Variants in SLC9A9 observed in about 807,000 individuals in gnomAD.
SLC9A9 encodes solute carrier family 9 member A9.
SLC9A9 carries 62 observed loss-of-function variants against 77.8 expected under a neutral mutation model. The ratio of observed to expected loss-of-function variants is 0.80; its 90% CI spans 0.65 to 0.98. SLC9A9 has a LOEUF of 0.98. Among genes scored for constraint, SLC9A9 ranks in the 50% least tolerant of loss-of-function variants. The pLI, the probability that SLC9A9 is intolerant of heterozygous loss-of-function variation, is 0.00. For missense variants in SLC9A9, 775 were observed against 774.9 expected (o/e 1.00, Z 0.00); for synonymous variants, 320 against 283.5 (o/e 1.13, Z -1.29).
intron 12 of SLC9A9, among the ~76,000 whole-genome samples, chr3:143,386,839 AATTT>A (rs2033438098): frequency 6.6e-6 from 1 of 151,942 alleles, no homozygotes; most frequent in African/African-American, 2.4e-5. Flanking sequence ...ATTTTTTTAA[AATTT>A]ATTTCTTTTA....
In SLC9A9 at chr3:143,435,663, A is replaced by G. The variant is rs80231375; in HGVS notation, c.1469+31374T>C. Among the ~76,000 whole-genome samples the G allele has an allele frequency of 3.1e-3, 468 of 152,164 alleles. 3 individuals carry two copies. Among genetic ancestry groups the G allele is most frequent in the African/African-American group, 0.011 (448 of 41,524 alleles). ...TAAAGGTAGGAATCAATGACATCAA[A>G]TTTTTTGGGTGATATGGGGCCTTGG... is the stretch of plus-strand genomic sequence containing the variant. On this transcript the variant is annotated intron_variant, in intron 12 of 15. Coordinates refer to ENST00000316549, the MANE Select transcript of SLC9A9 (RefSeq NM_173653.4).
intron 6 of SLC9A9, among the ~76,000 whole-genome samples, chr3:143,648,988 T>G (rs1349691947): frequency 6.6e-6 from 1 of 152,184 alleles, no homozygotes; most frequent in Non-Finnish European, 1.5e-5. Context: ...CCATTTCTAT[T>G]ACCGGTGTTC....
intron 12 of SLC9A9, among the ~76,000 whole-genome samples, chr3:143,399,515 T>C (rs964784205): frequency 6.6e-6 from 1 of 152,082 alleles, no homozygotes; most frequent in Non-Finnish European, 1.5e-5. Flanking sequence ...AACAATACTA[T>C]TGGGAAGAAG....
intron 12 of SLC9A9, among the ~76,000 whole-genome samples, chr3:143,448,196 T>C (rs114809544): frequency 9.9e-4 from 150 of 152,162 alleles, no homozygotes; most frequent in African/African-American, 3.5e-3. Flanking sequence ...GCTCGAAAGA[T>C]GAATGTTTGC....
At chr3:143,480,529 A>AT (rs947263819) in intron 11 of SLC9A9, among the ~76,000 whole-genome samples, 1 of 152,140 alleles carries the variant, frequency 6.6e-6, no homozygotes, top group Admixed American at 6.5e-5. Context: ...TTGTTAAAAC[A>AT]TTTTTTTTGT....
At chr3:143,743,486 G>A (rs58187430) in intron 4 of SLC9A9, among the ~76,000 whole-genome samples, 13,562 of 152,198 alleles carry the variant, frequency 0.089, 780 homozygotes, top group African/African-American at 0.16. Flanking sequence ...TGCAGTCCAA[G>A]GGCCTAACAG....
chr3:143,394,001 C>T (rs1341213289), intron 12 of SLC9A9, among the ~76,000 whole-genome samples: 7 of 152,210 alleles, frequency 4.6e-5, no homozygotes, highest in African/African-American at 1.7e-4. Context: ...GATGGATTCA[C>T]AGCCGAATTC....
chr3:143,726,115 GAAATTAAAA>G (rs1934644277), intron 4 of SLC9A9, among the ~76,000 whole-genome samples: 1 of 151,238 alleles, frequency 6.6e-6, no homozygotes, highest in East Asian at 1.9e-4. Flanking sequence ...ATTACTTTGA[GAAATTAAAA>G]AAAAATACTT....
intron 2 of SLC9A9, among the ~76,000 whole-genome samples, chr3:143,820,974 C>T (rs187818154): frequency 1.5e-4 from 23 of 151,650 alleles, no homozygotes; most frequent in African/African-American, 4.6e-4. Flanking sequence ...ATGCAGCTTC[C>T]CCCATCACAT....
In SLC9A9 at chr3:143,785,861, T is replaced by C. The variant is rs1348584031; in HGVS notation, c.533+9140A>G. ...TGAATTTTTCTTTTTTTTTTTTTTT[T>C]TTTTTTTTTTTTTGAGACGGAGTTT... is the stretch of plus-strand genomic sequence containing the variant. On this transcript the variant is annotated intron_variant, in intron 4 of 15. Transcript: ENST00000316549. 6.3e-5 allele frequency among the ~76,000 whole-genome samples: 9 copies of C among 142,326 alleles called. 1 individual carries two copies. The highest frequency in any genetic ancestry group is 2.3e-4 in the South Asian group (1 of 4,318). The allele number at this position is 142,326 out of a possible 152,430, so 93.4% of individuals were successfully genotyped here. A position where few individuals can be genotyped will look rare whatever the true frequency, so the allele number is the denominator to read the frequency against.
At chr3:143,659,863 G>A (rs747472784) in intron 5 of SLC9A9, among the ~76,000 whole-genome samples, 1 of 152,178 alleles carries the variant, frequency 6.6e-6, no homozygotes, top group East Asian at 1.9e-4. Flanking sequence ...GGGACCCTGT[G>A]GGAGGTAATT....
chr3:143,335,118 A>G (rs2031885661), intron 14 of SLC9A9, among the ~76,000 whole-genome samples: 1 of 152,192 alleles, frequency 6.6e-6, no homozygotes, highest in Non-Finnish European at 1.5e-5. Context: ...TTCAAGATCA[A>G]CACAAAAAAT....
chr3:143,764,677 C>A (rs2007243429), intron 4 of SLC9A9, among the ~76,000 whole-genome samples: 1 of 152,134 alleles, frequency 6.6e-6, no homozygotes, highest in South Asian at 2.1e-4. Flanking sequence ...TCCTATTCAG[C>A]CTTCCAAATA....
chr3:143,655,719 C>CAAA, intron 5 of SLC9A9: 1 of 770,966 alleles, frequency 1.3e-6, no homozygotes, highest in African/African-American at 1.9e-5. Context: ...CACAAACACA[C>CAAA]CCCTACCTCT....
chr3:143,830,058 A>G (rs565108703), intron 2 of SLC9A9, among the ~76,000 whole-genome samples: 20 of 152,324 alleles, frequency 1.3e-4, no homozygotes, highest in Middle Eastern at 3.4e-3. Flanking sequence ...CTCAGTAAGG[A>G]AGACAGGCTA....
At chr3:143,392,255 A>G (rs1487649418) in intron 12 of SLC9A9, among the ~76,000 whole-genome samples, 2 of 152,220 alleles carry the variant, frequency 1.3e-5, no homozygotes, top group Non-Finnish European at 2.9e-5. Flanking sequence ...CTGATGTTTC[A>G]GCAGAAACTC....
chr3:143,311,582 A>G (rs2031019887), intron 14 of SLC9A9, among the ~76,000 whole-genome samples: 1 of 152,210 alleles, frequency 6.6e-6, no homozygotes, highest in South Asian at 2.1e-4. Context: ...ACAGAACAAA[A>G]CAGCAGTAAT....
At chr3:143,587,272 C>G (rs989651636) in intron 6 of SLC9A9, among the ~76,000 whole-genome samples, 22 of 152,298 alleles carry the variant, frequency 1.4e-4, no homozygotes, top group Non-Finnish European at 2.6e-4. Flanking sequence ...CTCCTGACCT[C>G]ATGTTCCTTA....
chr3:143,415,971 T>C (rs192797619), intron 12 of SLC9A9, among the ~76,000 whole-genome samples: 1 of 152,146 alleles, frequency 6.6e-6, no homozygotes, highest in African/African-American at 2.4e-5. Context: ...TTGGAAGGAG[T>C]TGACTCCAAC....
Sources: allele counts gnomAD v4.1 joint callset (sites outside exome capture counted in the v4.1 genomes callset), GRCh38; gene constraint gnomAD v4.1.1; transcripts MANE v1.5; gene names NCBI Gene and HGNC (gene_info 2026-07-23, HGNC 2026-07-21).